NRXN3: variants seen among roughly 807,000 people sequenced by gnomAD.
NRXN3 encodes neurexin 3, also known as neurexin III.
A neutral mutation model predicts 137.6 loss-of-function variants in NRXN3; 32 were observed. The observed-to-expected ratio is 0.23, with a 90% confidence interval of 0.18 to 0.31. The LOEUF (loss-of-function observed/expected upper bound fraction) is 0.31, where lower values mean the gene tolerates loss of function less well. Ranked by LOEUF, NRXN3 falls within the 10% of genes least tolerant of loss-of-function variation. The pLI, the probability that NRXN3 is intolerant of heterozygous loss-of-function variation, is 1.00. For missense variants in NRXN3, 1,574 were observed against 2,062.5 expected (o/e 0.76, Z 4.59); for synonymous variants, 798 against 784.5 (o/e 1.02, Z -0.29).
intron 1 of NRXN3, among the ~76,000 whole-genome samples, chr14:78,238,992 T>C (rs773918802): frequency 6.6e-6 from 1 of 152,234 alleles, no homozygotes; most frequent in African/African-American, 2.4e-5. Flanking sequence ...GCTTTGCTCA[T>C]TGGGGTCATG....
chr14:78,832,127 G>T (rs2098984224), intron 10 of NRXN3, among the ~76,000 whole-genome samples: 1 of 151,906 alleles, frequency 6.6e-6, no homozygotes, highest in South Asian at 2.1e-4. Flanking sequence ...CTCAGCTGTG[G>T]TTTAAATAAT....
At chr14:79,762,263 G>A (rs1470015333) in intron 19 of NRXN3, among the ~76,000 whole-genome samples, 1 of 151,668 alleles carries the variant, frequency 6.6e-6, no homozygotes, top group African/African-American at 2.4e-5. Context: ...GAAAATTAGT[G>A]CATTAACTCT....
chr14:78,767,746 C>T (rs909622799), intron 8 of NRXN3, among the ~76,000 whole-genome samples: 6 of 152,164 alleles, frequency 3.9e-5, no homozygotes, highest in African/African-American at 7.2e-5. Flanking sequence ...AGACAACACA[C>T]TAGACAGAAG....
At chr14:79,526,444 G>A (rs573478321) in intron 16 of NRXN3, among the ~76,000 whole-genome samples, 47 of 152,288 alleles carry the variant, frequency 3.1e-4, no homozygotes, top group African/African-American at 1.1e-3. Flanking sequence ...ATTCTCCTGT[G>A]TAGGTTTCCC....
chr14:79,686,076 G>A (rs1253600106), intron 17 of NRXN3, among the ~76,000 whole-genome samples: 1 of 151,880 alleles, frequency 6.6e-6, no homozygotes, highest in Non-Finnish European at 1.5e-5. Flanking sequence ...GGTGGATCAC[G>A]AGGTCAGGAG....
chr14:79,770,409 A>G (rs2139750227), intron 19 of NRXN3, among the ~76,000 whole-genome samples: 1 of 143,300 alleles, frequency 7.0e-6, no homozygotes, highest in Non-Finnish European at 1.5e-5. Context: ...AAGAACAGAA[A>G]TTATAACAAA....
intron 16 of NRXN3, among the ~76,000 whole-genome samples, chr14:79,635,777 C>A (rs1175697309): frequency 6.6e-6 from 1 of 152,164 alleles, no homozygotes; most frequent in Non-Finnish European, 1.5e-5. Context: ...CATTGACTCG[C>A]AATTCCACAT....
intron 4 of NRXN3, among the ~76,000 whole-genome samples, chr14:78,544,962 T>C (rs987261017): frequency 1.7e-4 from 26 of 152,232 alleles, no homozygotes; most frequent in South Asian, 2.1e-4. Context: ...ATTTGGCAAC[T>C]AAGCATTCTT....
At chr14:78,491,709 C>T (rs561447804) in intron 4 of NRXN3, among the ~76,000 whole-genome samples, 309 of 152,162 alleles carry the variant, frequency 2.0e-3, no homozygotes, top group South Asian at 0.011. Flanking sequence ...CCCCAGCTCC[C>T]CACCTCCAAA....
At position 79,507,794 on chromosome 14, in the gene NRXN3, ACCTTGG is replaced by A. The variant is rs2096892439; in HGVS notation, c.3444+40397_3444+40402del. ...GAGCTATTCTCAACTTGACTATTAT[ACCTTGG>A]CCTTCATTCCCTAAAGAAAATGGGC... On this transcript the variant is annotated intron_variant, in intron 16 of 20. Coordinates refer to ENST00000335750, the MANE Select transcript of NRXN3 (RefSeq NM_001330195.2). Among the ~76,000 whole-genome samples the A allele has an allele frequency of 2.0e-5, 3 of 152,198 alleles. No individual in the cohort carries two copies. In the South Asian group the frequency reaches 6.2e-4, roughly 32 times the overall value.
chr14:79,521,999 A>T (rs752111007), intron 16 of NRXN3, among the ~76,000 whole-genome samples: 2 of 152,158 alleles, frequency 1.3e-5, no homozygotes, highest in Non-Finnish European at 2.9e-5. Context: ...CTATAAACTT[A>T]TTAATACAGT....
At chr14:79,068,083 G>A (rs937649) in intron 15 of NRXN3, among the ~76,000 whole-genome samples, 146,323 of 151,978 alleles carry the variant, frequency 0.96, 70,567 homozygotes, top group Middle Eastern at 0.99. Context: ...AAGGAGAACA[G>A]AGACCTGGAA....
intron 6 of NRXN3, among the ~76,000 whole-genome samples, chr14:78,694,959 A>T (rs934735682): frequency 2.6e-5 from 4 of 151,966 alleles, no homozygotes; most frequent in African/African-American, 9.7e-5. Flanking sequence ...GGTAGCTTAA[A>T]AATAGTAATT....
intron 2 of NRXN3, among the ~76,000 whole-genome samples, chr14:78,263,702 C>T (rs1029612553): frequency 7.2e-5 from 11 of 152,144 alleles, no homozygotes; most frequent in Non-Finnish European, 1.0e-4. Context: ...TTTACCGACA[C>T]GGCTTCTACT....
chr14:79,471,186 TG>T (rs1567215650), intron 16 of NRXN3, among the ~76,000 whole-genome samples: 1 of 152,074 alleles, frequency 6.6e-6, no homozygotes, highest in Non-Finnish European at 1.5e-5. Context: ...AGCCTGACCC[TG>T]GGGTAAGCAC....
chr14:78,664,500 T>A (rs1309691816), intron 6 of NRXN3, among the ~76,000 whole-genome samples: 3 of 152,200 alleles, frequency 2.0e-5, no homozygotes, highest in Non-Finnish European at 4.4e-5. Context: ...CCACTTTCAA[T>A]GAAAAAGTTC....
At chr14:78,296,966 A>T (rs1250333239) in intron 3 of NRXN3, among the ~76,000 whole-genome samples, 5 of 152,136 alleles carry the variant, frequency 3.3e-5, no homozygotes, top group African/African-American at 4.8e-5. Flanking sequence ...CTGGTTAAAA[A>T]TTTTTTCTTC....
chr14:78,296,130 C>T (rs1327527370), intron 3 of NRXN3, among the ~76,000 whole-genome samples: 3 of 149,418 alleles, frequency 2.0e-5, no homozygotes, highest in African/African-American at 7.4e-5. Flanking sequence ...GCGATCATAG[C>T]TCATTGTAGC....
chr14:78,200,830 G>A (rs541728838), intron 1 of NRXN3, among the ~76,000 whole-genome samples: 4 of 152,182 alleles, frequency 2.6e-5, no homozygotes, highest in Non-Finnish European at 5.9e-5. Flanking sequence ...AGACTTCAGT[G>A]GGAGATCTAT....
Sources: gnomAD v4.1 joint callset for allele counts (sites outside exome capture counted in the v4.1 genomes callset) on GRCh38, gnomAD v4.1.1 for gene constraint, MANE v1.5 for transcripts, NCBI Gene and HGNC (gene_info 2026-07-23, HGNC 2026-07-21) for gene names.